The following CTNNBL1 variants were observed in gnomAD, a reference collection of about 807,000 sequenced individuals.
The protein encoded by CTNNBL1 is catenin beta like 1, also known as beta-catenin-like protein 1.
A neutral mutation model predicts 72.7 loss-of-function variants in CTNNBL1; 31 were observed. That is an observed-to-expected ratio of 0.43 (90% CI 0.32 to 0.58). The LOEUF (loss-of-function observed/expected upper bound fraction) is 0.58. Ranked by LOEUF, CTNNBL1 falls within the 20% of genes least tolerant of loss-of-function variation. The pLI is 0.08. For synonymous variants in CTNNBL1, 240 were observed against 267.3 expected, an observed-to-expected ratio of 0.90 and a Z score of 1.00; for missense variants, 534 against 725.1, an observed-to-expected ratio of 0.74 and a Z score of 3.03.
chr20:37,781,172 T>C (rs1036818366), intron 10 of CTNNBL1, among the ~76,000 whole-genome samples: 8 of 152,192 alleles, frequency 5.3e-5, no homozygotes, highest in Non-Finnish European at 1.2e-4. Flanking sequence ...CTTACCCTTC[T>C]AATTGCTTGT....
chr20:37,713,603 GT>G (rs965021934), intron 1 of CTNNBL1, among the ~76,000 whole-genome samples: 1 of 152,172 alleles, frequency 6.6e-6, no homozygotes, highest in African/African-American at 2.4e-5. Context: ...ATATCATGGG[GT>G]GGGTGTGCAG....
intron 13 of CTNNBL1, among the ~76,000 whole-genome samples, chr20:37,848,492 T>G (rs539845477): frequency 6.6e-6 from 1 of 152,184 alleles, no homozygotes; most frequent in South Asian, 2.1e-4. Context: ...CCAAACTTTC[T>G]CAGTCCATAG....
In CTNNBL1 at chr20:37,781,774, T is replaced by C. The variant is rs147788570; in HGVS notation, c.1031+2439T>C. Among the ~76,000 whole-genome samples the C allele has an allele frequency of 3.5e-4, 54 of 152,326 alleles. 1 individual carries two copies. The East Asian group carries it at 9.6e-3, about 27-fold the overall frequency. On this transcript the variant is annotated intron_variant, in intron 10 of 15. Transcript: ENST00000361383. ...ATTCAAGACTATGAAGCTGTAACAC[T>C]AGAAGTTCAGGAAAGTTTCTGTGGT...
At chr20:37,856,782 A>G (rs2235457) in intron 13 of CTNNBL1, among the ~76,000 whole-genome samples, 125,075 of 152,070 alleles carry the variant, frequency 0.82, 51,504 homozygotes, top group Middle Eastern at 0.89. Flanking sequence ...ATGTGGGCAC[A>G]CTATACTTAC....
chr20:37,823,846 C>A (rs776495897), intron 11 of CTNNBL1, among the ~76,000 whole-genome samples: 1 of 152,162 alleles, frequency 6.6e-6, no homozygotes, highest in Non-Finnish European at 1.5e-5. Context: ...GCTGAGCCTT[C>A]GTGCTCAGCC....
chr20:37,828,810 C>T (rs573222707), intron 11 of CTNNBL1, among the ~76,000 whole-genome samples: 109 of 152,256 alleles, frequency 7.2e-4, no homozygotes, highest in Middle Eastern at 3.4e-3. Context: ...AATATTCAGC[C>T]GGAGTGGCTG....
intron 1 of CTNNBL1, among the ~76,000 whole-genome samples, chr20:37,725,431 G>A (rs1335965062): frequency 2.0e-5 from 3 of 151,544 alleles, no homozygotes; most frequent in African/African-American, 7.3e-5. Flanking sequence ...CCAGTAGCTG[G>A]GATTACAGGC....
At chr20:37,717,413 A>G (rs1024590051) in intron 1 of CTNNBL1, among the ~76,000 whole-genome samples, 1 of 152,226 alleles carries the variant, frequency 6.6e-6, no homozygotes, top group Admixed American at 6.5e-5. Flanking sequence ...CTTATAAAGT[A>G]TCAGCATTTG....
chr20:37,749,823 T>C (rs2073302289), intron 4 of CTNNBL1: 1 of 152,210 alleles, frequency 6.6e-6, no homozygotes, highest in Non-Finnish European at 1.5e-5. Context: ...TGCACTCTGC[T>C]GCTTGTCTTA....
At chr20:37,850,677 G>A (rs990257966) in intron 13 of CTNNBL1, among the ~76,000 whole-genome samples, 2 of 120,160 alleles carry the variant, frequency 1.7e-5, no homozygotes, top group African/African-American at 6.3e-5. Context: ...TTTTGCTGGT[G>A]TTGATGCTTC....
At chr20:37,707,928 GGA>G (rs35821167) in intron 1 of CTNNBL1, among the ~76,000 whole-genome samples, 8 of 150,624 alleles carry the variant, frequency 5.3e-5, no homozygotes, top group Admixed American at 3.3e-4. Context: ...GGAGACCTGA[GGA>G]GAGAGAGAGA....
intron 4 of CTNNBL1, among the ~76,000 whole-genome samples, chr20:37,755,915 A>G (rs2073359513): frequency 6.6e-6 from 1 of 152,172 alleles, no homozygotes; most frequent in South Asian, 2.1e-4. Flanking sequence ...CGTCCTGCAC[A>G]CAGCTTTTAG....
At chr20:37,803,161 C>A in intron 11 of CTNNBL1, 113 bp downstream of exon 11, 2 of 881,074 alleles carry the variant, frequency 2.3e-6, no homozygotes, top group South Asian at 3.8e-5. Context: ...AAGAGTGCTA[C>A]CTTTTTCTTA....
At chr20:37,859,757 A>G in intron 13 of CTNNBL1, 142 bp from the exon 14 acceptor site, 1 of 777,836 alleles carries the variant, frequency 1.3e-6, no homozygotes, top group Non-Finnish European at 2.0e-6. Context: ...AGGGAGATGT[A>G]GACAAATCAA....
At chr20:37,832,061 A>G (rs1011070151) in intron 11 of CTNNBL1, among the ~76,000 whole-genome samples, 1 of 152,212 alleles carries the variant, frequency 6.6e-6, no homozygotes, top group African/African-American at 2.4e-5. Context: ...GGTCTCCCAG[A>G]ATCTTGTATT....
intron 11 of CTNNBL1, among the ~76,000 whole-genome samples, chr20:37,811,071 A>G (rs1446316871): frequency 2.0e-5 from 3 of 152,080 alleles, no homozygotes; most frequent in African/African-American, 4.8e-5. Context: ...TCCTCCTTCT[A>G]TGTTGGTAAT....
chr20:37,727,116 C>T (rs892576737), intron 1 of CTNNBL1, among the ~76,000 whole-genome samples: 2 of 152,042 alleles, frequency 1.3e-5, no homozygotes, highest in African/African-American at 2.4e-5. Context: ...TGCATGTTCC[C>T]ACAGCCCCTC....
intron 5 of CTNNBL1, among the ~76,000 whole-genome samples, chr20:37,763,006 A>G (rs925573975): frequency 1.3e-5 from 2 of 152,198 alleles, no homozygotes; most frequent in Admixed American, 1.3e-4. Flanking sequence ...GAGATGGGAA[A>G]CATAACTAAG....
In CTNNBL1 at chr20:37,787,343, GT is replaced by G. The variant is rs11482375; in HGVS notation, c.1031+8027del. Among the ~76,000 whole-genome samples the G allele has an allele frequency of 2.4e-3, 253 of 107,174 alleles. 1 individual carries two copies. Among genetic ancestry groups the G allele is most frequent in the African/African-American group, 8.4e-3 (228 of 27,284 alleles). The allele number at this position is 107,174 out of a possible 152,430, so 70.3% of individuals were successfully genotyped here. A position where few individuals can be genotyped will look rare whatever the true frequency, so the allele number is the denominator to read the frequency against. ...TCTTGTTAAAGACACATAACTGTGTGTTTTTTTTTTTTTTTTTTTGAGACGG... is the reference window on the plus strand; with the variant it reads ...TCTTGTTAAAGACACATAACTGTGTGTTTTTTTTTTTTTTTTTTGAGACGG... On this transcript the variant is annotated intron_variant, in intron 10 of 15. Transcript: ENST00000361383.
Sources: gnomAD v4.1 joint callset for allele counts (sites outside exome capture counted in the v4.1 genomes callset) on GRCh38, gnomAD v4.1.1 for gene constraint, MANE v1.5 for transcripts, NCBI Gene and HGNC (gene_info 2026-07-23, HGNC 2026-07-21) for gene names.